The following NUDCD3 variants were observed in gnomAD, a reference collection of about 807,000 sequenced individuals.
NUDCD3 encodes the protein nudC domain-containing protein 3.
In NUDCD3, 13 loss-of-function variants were observed where a neutral mutation model predicts 39.7. The ratio of observed to expected loss-of-function variants is 0.33; its 90% CI spans 0.21 to 0.52. NUDCD3 has a LOEUF of 0.52. Ranked by LOEUF, NUDCD3 falls within the 20% of genes least tolerant of loss-of-function variation. The pLI is 0.96. For synonymous variants in NUDCD3, 175 were observed against 172.4 expected (o/e 1.02, Z -0.12); for missense variants, 453 against 458.1 (o/e 0.99, Z 0.10).
At chr7:44,470,135 T>G (rs1472942416) in intron 2 of NUDCD3, among the ~76,000 whole-genome samples, 1 of 152,224 alleles carries the variant, frequency 6.6e-6, no homozygotes, top group Admixed American at 6.5e-5. Context: ...CAATTTTTTT[T>G]GGTAGATATG....
intron 2 of NUDCD3, among the ~76,000 whole-genome samples, chr7:44,462,176 C>T (rs1252105256): frequency 6.6e-6 from 1 of 152,174 alleles, no homozygotes; most frequent in Non-Finnish European, 1.5e-5. Context: ...CTCATATATA[C>T]ACACATACAG....
In NUDCD3 at chr7:44,485,000, A is replaced by T. The variant is rs760598274; in HGVS notation, c.477T>A (p.Ala159=). 12 of 1,613,716 alleles carry T rather than the reference A, an allele frequency of 7.4e-6. No homozygotes were observed. In the East Asian group the frequency reaches 2.2e-4, roughly 30 times the overall value. The change falls in exon 2 of 6, where the codon GCT becomes GCA. Residue 159 remains alanine (A), a synonymous_variant. Coordinates refer to ENST00000355451, the MANE Select transcript of NUDCD3 (RefSeq NM_015332.4). ...GAATTGGTGGTTCCCTAGGGACTTC[A>T]GCAGCACCAGCAACTGCTCCTGGAG... is the stretch of plus-strand genomic sequence containing the variant. ...AEAPGAVAGA[A]EVPREPPILP...
intron 4 of NUDCD3, among the ~76,000 whole-genome samples, chr7:44,403,234 G>C (rs149409047): frequency 6.6e-6 from 1 of 152,234 alleles, no homozygotes; most frequent in African/African-American, 2.4e-5. Context: ...GCAGAGGTAG[G>C]CCCTGGGTGG....
intron 2 of NUDCD3, among the ~76,000 whole-genome samples, chr7:44,482,289 G>C (rs917631462): frequency 7.9e-5 from 12 of 152,118 alleles, no homozygotes; most frequent in Non-Finnish European, 2.9e-5. Context: ...CTAGAGCTGG[G>C]AGACGTTCAA....
At chr7:44,463,711 A>G (rs1800061717) in intron 2 of NUDCD3, among the ~76,000 whole-genome samples, 1 of 152,110 alleles carries the variant, frequency 6.6e-6, no homozygotes, top group African/African-American at 2.4e-5. Flanking sequence ...AAATAAATAA[A>G]AGGTGAGCCC....
chr7:44,437,948 T>A (rs1799496199), intron 2 of NUDCD3, among the ~76,000 whole-genome samples: 1 of 152,216 alleles, frequency 6.6e-6, no homozygotes, highest in African/African-American at 2.4e-5. Context: ...TTTCTTAAAT[T>A]GTGTTATTTT....
intron 2 of NUDCD3, among the ~76,000 whole-genome samples, chr7:44,474,672 T>G (rs977724778): frequency 1.3e-5 from 2 of 152,178 alleles, no homozygotes; most frequent in Admixed American, 6.5e-5. Flanking sequence ...TTTCTAAAAA[T>G]GAAGCATATA....
intron 2 of NUDCD3, among the ~76,000 whole-genome samples, chr7:44,444,879 G>A (rs555102747): frequency 1.6e-4 from 24 of 152,226 alleles, no homozygotes; most frequent in African/African-American, 3.9e-4. Context: ...TATTCCCAGC[G>A]AAACATCTTG....
At chr7:44,402,633 G>T in intron 4 of NUDCD3, 1 of 456,552 alleles carries the variant, frequency 2.2e-6, no homozygotes, top group Non-Finnish European at 4.4e-6. Context: ...CACACACGGG[G>T]TTGCTCACCA....
chr7:44,427,483 C>T (rs1430067217), intron 3 of NUDCD3, 88 bp downstream of exon 3: 1 of 1,446,296 alleles, frequency 6.9e-7, no homozygotes, highest in African/African-American at 1.4e-5. Flanking sequence ...GATCTCAACA[C>T]TCCCTCAAGG....
chr7:44,489,725 T>TGTTTAA (rs112757386), intron 1 of NUDCD3: 1 of 152,066 alleles, frequency 6.6e-6, no homozygotes, highest in African/African-American at 2.4e-5. Flanking sequence ...TCTCTTTAAC[T>TGTTTAA]GTGTCACAAG....
intron 2 of NUDCD3, among the ~76,000 whole-genome samples, chr7:44,459,364 A>G (rs1799964933): frequency 6.6e-6 from 1 of 151,696 alleles, no homozygotes; most frequent in Non-Finnish European, 1.5e-5. Context: ...ATGCCTGGCT[A>G]ATTTTTCAAG....
intron 2 of NUDCD3, among the ~76,000 whole-genome samples, chr7:44,461,690 C>T (rs1800019834): frequency 6.6e-6 from 1 of 152,138 alleles, no homozygotes; most frequent in Non-Finnish European, 1.5e-5. Flanking sequence ...AGAATGGCCA[C>T]ACCTCAGCCA....
At chr7:44,487,729 T>A (rs1443891862) in intron 1 of NUDCD3, among the ~76,000 whole-genome samples, 1 of 150,000 alleles carries the variant, frequency 6.7e-6, no homozygotes, top group African/African-American at 2.5e-5. Flanking sequence ...AGGCGGGTGA[T>A]CACCTGAGGT....
In NUDCD3 at chr7:44,483,229, C is replaced by T. The variant is rs569195312; in HGVS notation, c.509+1739G>A. ...CAAGAGAATGGGGATATTTCACACA[C>T]AGGGGAACAAAGAATGTCTACTCAC... On this transcript the variant is annotated intron_variant, in intron 2 of 5. Coordinates refer to ENST00000355451, the MANE Select transcript of NUDCD3 (RefSeq NM_015332.4). Among the ~76,000 whole-genome samples the T allele has an allele frequency of 2.8e-4, 42 of 152,106 alleles. No homozygotes were observed. The South Asian group carries it at 8.5e-3, about 31-fold the overall frequency.
intron 2 of NUDCD3, among the ~76,000 whole-genome samples, chr7:44,470,063 G>C (rs1210465996): frequency 6.6e-6 from 1 of 152,160 alleles, no homozygotes; most frequent in Non-Finnish European, 1.5e-5. Context: ...CATTATAAAA[G>C]ACTCTAACAT....
intron 2 of NUDCD3, among the ~76,000 whole-genome samples, chr7:44,450,639 T>G (rs1163974231): frequency 6.6e-6 from 1 of 151,468 alleles, no homozygotes; most frequent in Non-Finnish European, 1.5e-5. Context: ...ACAAAAATGT[T>G]AATTAAAAAA....
At chr7:44,462,614 C>T (rs571278006) in intron 2 of NUDCD3, among the ~76,000 whole-genome samples, 1 of 152,332 alleles carries the variant, frequency 6.6e-6, no homozygotes, top group African/African-American at 2.4e-5. Flanking sequence ...GTAGGCCCTG[C>T]CTCCTGGGAG....
At chr7:44,420,325 A>AG (rs1799113800) in intron 3 of NUDCD3, among the ~76,000 whole-genome samples, 1 of 152,144 alleles carries the variant, frequency 6.6e-6, no homozygotes, top group Non-Finnish European at 1.5e-5. Flanking sequence ...GAACGAACAA[A>AG]GCCTCTAAGA....
Sources: allele counts gnomAD v4.1 joint callset (sites outside exome capture counted in the v4.1 genomes callset), GRCh38; gene constraint gnomAD v4.1.1; transcripts MANE v1.5; gene names NCBI Gene and HGNC (gene_info 2026-07-23, HGNC 2026-07-21).